Variants in KAZN observed in about 807,000 individuals in gnomAD.
KAZN encodes the protein kazrin, periplakin interacting protein.
Under a neutral mutation model 87.4 loss-of-function variants are expected in KAZN, and 40 were observed. The observed-to-expected ratio is 0.46, with a 90% CI of 0.36 to 0.60. The LOEUF is 0.60. Ranked by LOEUF, KAZN falls within the 20% of genes least tolerant of loss-of-function variation. The pLI is 0.00. For missense variants in KAZN, 898 were observed against 1,073.9 expected (o/e 0.84, Z 2.29); for synonymous variants, 466 against 458.3 (o/e 1.02, Z -0.22).
rs1337276664 is a variant in KAZN, at chr1:14,949,638, C to T, written c.227-11046C>T. Among the ~76,000 whole-genome samples, 3 of 152,180 alleles carry T rather than the reference C, an allele frequency of 2.0e-5. No individual in the cohort carries two copies. Among genetic ancestry groups the T allele is most frequent in the Non-Finnish European group, 4.4e-5 (3 of 68,028 alleles). ...GCCATGAAGGTGTTACCCAAACCTC[C>T]GGCAGACCCCAGGGGGCTGCGTCCT... On this transcript the variant is annotated intron_variant, in intron 1 of 14. Coordinates refer to ENST00000376030, the MANE Select transcript of KAZN (RefSeq NM_201628.3). This position sits in a 1 kb window ranked among gnomAD's most constrained non-coding sequence, Gnocchi z 4.3.
chr1:13,907,209 G>A (rs1639471539), intron 1 of KAZN, among the ~76,000 whole-genome samples: 1 of 152,144 alleles, frequency 6.6e-6, no homozygotes, highest in African/African-American at 2.4e-5. Context: ...GAATCTTCCA[G>A]CACCACAGGG....
At chr1:14,005,606 C>G (rs1030231897) in intron 1 of KAZN, among the ~76,000 whole-genome samples, 3 of 152,132 alleles carry the variant, frequency 2.0e-5, no homozygotes, top group South Asian at 4.1e-4. Flanking sequence ...AAACTGACCT[C>G]TAAAAAATGG....
intron 1 of KAZN, among the ~76,000 whole-genome samples, chr1:14,668,680 A>C (rs889386179): frequency 3.3e-5 from 5 of 152,114 alleles, no homozygotes. Context: ...TGCTGCTTTA[A>C]AAATCTGTCA....
chr1:14,173,553 C>A (rs984757268), intron 1 of KAZN, among the ~76,000 whole-genome samples: 1 of 152,174 alleles, frequency 6.6e-6, no homozygotes, highest in African/African-American at 2.4e-5. Context: ...AATCCCAGGA[C>A]TATCCGCCGG....
At chr1:14,755,179 G>A (rs921909533) in intron 1 of KAZN, among the ~76,000 whole-genome samples, 4 of 151,950 alleles carry the variant, frequency 2.6e-5, no homozygotes, top group African/African-American at 9.7e-5. Flanking sequence ...CTTGAGCCCA[G>A]GAGACGGAGG....
At chr1:14,523,690 T>G (rs1480329313) in intron 2 of KAZN, among the ~76,000 whole-genome samples, 1 of 152,208 alleles carries the variant, frequency 6.6e-6, no homozygotes, top group Admixed American at 6.5e-5. Context: ...CCTTACTTCC[T>G]CTTCAGTGTT....
intron 2 of KAZN, among the ~76,000 whole-genome samples, chr1:14,355,676 C>T (rs533663894): frequency 2.6e-5 from 4 of 152,048 alleles, no homozygotes; most frequent in Non-Finnish European, 5.9e-5. Flanking sequence ...TGAGAACATG[C>T]GGTGTTTGGT....
At chr1:14,370,630 CCTGGGA>C (rs142892614) in intron 2 of KAZN, among the ~76,000 whole-genome samples, 7,722 of 152,262 alleles carry the variant, frequency 0.051, 443 homozygotes, top group East Asian at 0.21. Flanking sequence ...GGCTGAAAAA[CCTGGGA>C]CTGCCAGGGA....
intron 1 of KAZN, among the ~76,000 whole-genome samples, chr1:14,788,882 C>G (rs753235264): frequency 1.3e-5 from 2 of 152,064 alleles, no homozygotes; most frequent in African/African-American, 2.4e-5. Context: ...TCTGGGACAC[C>G]CTGAGACACC....
intron 2 of KAZN, among the ~76,000 whole-genome samples, chr1:14,339,595 T>G (rs189884775): frequency 6.6e-6 from 1 of 152,204 alleles, no homozygotes; most frequent in Non-Finnish European, 1.5e-5. Context: ...ATATTCGAGC[T>G]CAAAGGCAGG....
At chr1:14,933,917 G>C (rs546692264) in intron 1 of KAZN, among the ~76,000 whole-genome samples, 80 of 151,200 alleles carry the variant, frequency 5.3e-4, no homozygotes, top group African/African-American at 1.8e-3. Context: ...ATGTGATCTC[G>C]GCTCACTGCA....
intron 1 of KAZN, among the ~76,000 whole-genome samples, chr1:14,022,756 A>G (rs1303614018): frequency 2.6e-5 from 4 of 152,020 alleles, no homozygotes; most frequent in Non-Finnish European, 4.4e-5. Flanking sequence ...TTTCTTCCAA[A>G]TGGCTTAAAC....
intron 1 of KAZN, among the ~76,000 whole-genome samples, chr1:14,738,981 TG>T (rs1644002980): frequency 6.6e-6 from 1 of 152,108 alleles, no homozygotes; most frequent in Non-Finnish European, 1.5e-5. Flanking sequence ...AAGACCAACC[TG>T]GGCAACCTAG....
intron 1 of KAZN, among the ~76,000 whole-genome samples, chr1:14,052,127 C>T (rs1484229503): frequency 6.6e-6 from 1 of 152,156 alleles, no homozygotes; most frequent in Non-Finnish European, 1.5e-5. Context: ...TTCCTGACAC[C>T]ATCACTGGCA....
intron 1 of KAZN, among the ~76,000 whole-genome samples, chr1:14,009,560 C>T (rs998113366): frequency 2.6e-5 from 4 of 152,178 alleles, no homozygotes; most frequent in Non-Finnish European, 5.9e-5. Flanking sequence ...GAGATAGATA[C>T]TATTTTTAAT....
intron 1 of KAZN, among the ~76,000 whole-genome samples, chr1:14,803,181 T>TC (rs34945029): frequency 0.38 from 58,020 of 151,858 alleles, 12,728 homozygotes; most frequent in African/African-American, 0.6. Flanking sequence ...CTGCGCAGTG[T>TC]CTGCTGAGGA....
chr1:14,003,838 G>A (rs1557776008), intron 1 of KAZN, among the ~76,000 whole-genome samples: 1 of 152,060 alleles, frequency 6.6e-6, no homozygotes, highest in Non-Finnish European at 1.5e-5. Context: ...ATGAGATCCA[G>A]AAAGCTCTAA....
chr1:14,211,637 T>C (rs1416601291), intron 2 of KAZN, among the ~76,000 whole-genome samples: 1 of 152,172 alleles, frequency 6.6e-6, no homozygotes, highest in Non-Finnish European at 1.5e-5. Context: ...TTGTATGGGC[T>C]TGAGAGAGCT....
chr1:15,069,630 AAAAT>A (rs1174945274), intron 8 of KAZN, among the ~76,000 whole-genome samples: 4 of 152,246 alleles, frequency 2.6e-5, no homozygotes, highest in Non-Finnish European at 2.9e-5. Context: ...CTGTCTCAAA[AAAAT>A]AAATAAATAT....
Sources: gnomAD v4.1 joint callset for allele counts (sites outside exome capture counted in the v4.1 genomes callset) on GRCh38, gnomAD v4.1.1 for gene constraint, Gnocchi (gnomAD v3.1) non-coding constraint, MANE v1.5 for transcripts, NCBI Gene and HGNC (gene_info 2026-07-23, HGNC 2026-07-21) for gene names.